The following DGKI variants were observed in gnomAD, a reference collection of about 807,000 sequenced individuals.
The protein encoded by DGKI is DAG kinase iota.
Under a neutral mutation model 147.5 loss-of-function variants are expected in DGKI, and 55 were observed. That is an observed-to-expected ratio of 0.37 (90% confidence interval 0.30 to 0.47). The LOEUF (loss-of-function observed/expected upper bound fraction) is 0.47. Among genes scored for constraint, DGKI ranks in the 20% least tolerant of loss-of-function variants. DGKI has a pLI of 1.00. For synonymous variants in DGKI, 469 were observed against 477.1 expected (o/e 0.98, Z 0.22); for missense variants, 1,007 against 1,323.8 (o/e 0.76, Z 3.71).
intron 21 of DGKI, among the ~76,000 whole-genome samples, chr7:137,500,017 T>C (rs1022059478): frequency 1.3e-5 from 2 of 152,154 alleles, no homozygotes; most frequent in African/African-American, 4.8e-5. Flanking sequence ...TAGAAATAAA[T>C]GTCTGTTATT....
chr7:137,719,497 G>A (rs1414944460), intron 1 of DGKI, among the ~76,000 whole-genome samples: 1 of 151,896 alleles, frequency 6.6e-6, no homozygotes, highest in African/African-American at 2.4e-5. Flanking sequence ...CCCCCAAGCA[G>A]AATGATATTG....
intron 6 of DGKI, among the ~76,000 whole-genome samples, chr7:137,641,161 C>T (rs963251693): frequency 2.0e-4 from 30 of 152,264 alleles, no homozygotes; most frequent in Middle Eastern, 3.4e-3. Flanking sequence ...CTTTGCCTGT[C>T]ACCATCCACA....
chr7:137,532,297 T>A (rs1193125113), intron 20 of DGKI, among the ~76,000 whole-genome samples: 4 of 152,182 alleles, frequency 2.6e-5, no homozygotes, highest in Non-Finnish European at 4.4e-5. Flanking sequence ...ATGTTTTGTT[T>A]TTATAATGGA....
At chr7:137,695,751 T>C (rs1823759659) in intron 1 of DGKI, among the ~76,000 whole-genome samples, 1 of 152,232 alleles carries the variant, frequency 6.6e-6, no homozygotes, top group Non-Finnish European at 1.5e-5. Context: ...TCTATACTAC[T>C]TCTCTAATTG....
At chr7:137,477,241 C>T (rs1327139405) in intron 23 of DGKI, among the ~76,000 whole-genome samples, 1 of 152,086 alleles carries the variant, frequency 6.6e-6, no homozygotes, top group Admixed American at 6.6e-5. Context: ...GCAACCCCAA[C>T]CCAGACACAG....
chr7:137,465,346 C>A (rs1814612631), intron 26 of DGKI, among the ~76,000 whole-genome samples: 1 of 152,100 alleles, frequency 6.6e-6, no homozygotes, highest in Admixed American at 6.5e-5. Context: ...TGTATCAATT[C>A]TTTTAATCGC....
intron 3 of DGKI, among the ~76,000 whole-genome samples, chr7:137,678,109 C>A (rs1196105254): frequency 6.6e-6 from 1 of 152,160 alleles, no homozygotes; most frequent in Non-Finnish European, 1.5e-5. Flanking sequence ...AGCCTACACC[C>A]ATTCCCAGCA....
intron 1 of DGKI, among the ~76,000 whole-genome samples, chr7:137,816,094 G>A (rs770222200): frequency 8.5e-5 from 13 of 152,090 alleles, no homozygotes; most frequent in South Asian, 4.1e-4. Context: ...CCTTGAGTGC[G>A]ATATGACCAA....
At chr7:137,781,640 G>C (rs889853451) in intron 1 of DGKI, among the ~76,000 whole-genome samples, 1 of 152,238 alleles carries the variant, frequency 6.6e-6, no homozygotes, top group Non-Finnish European at 1.5e-5. Flanking sequence ...AGGGAAGAAA[G>C]CTCAATTCTA....
At chr7:137,585,111 G>C in intron 14 of DGKI, 98 bp downstream of exon 14, 1 of 1,358,240 alleles carries the variant, frequency 7.4e-7, no homozygotes, top group South Asian at 1.3e-5. Flanking sequence ...TATCTCATAG[G>C]AATTCATCAG....
chr7:137,588,954 G>A (rs1017365516), intron 12 of DGKI, among the ~76,000 whole-genome samples: 2 of 152,148 alleles, frequency 1.3e-5, no homozygotes, highest in African/African-American at 2.4e-5. Flanking sequence ...CAGTTTACAC[G>A]ATATAGATGG....
chr7:137,436,860 G>A (rs1813304495), intron 28 of DGKI, among the ~76,000 whole-genome samples: 1 of 152,036 alleles, frequency 6.6e-6, no homozygotes, highest in African/African-American at 2.4e-5. Context: ...AAATCAATTA[G>A]TAAAATGCAC....
chr7:137,502,915 T>C (rs1417076914), intron 21 of DGKI, among the ~76,000 whole-genome samples: 3 of 152,056 alleles, frequency 2.0e-5, no homozygotes, highest in African/African-American at 4.8e-5. Flanking sequence ...CAGCTGAGGA[T>C]GGACTCACGA....
chr7:137,675,510 C>A (rs186786090), intron 3 of DGKI, among the ~76,000 whole-genome samples: 3 of 151,870 alleles, frequency 2.0e-5, no homozygotes, highest in African/African-American at 7.3e-5. Flanking sequence ...CCTGGTGAAA[C>A]CCCGTCTCTA....
intron 1 of DGKI, among the ~76,000 whole-genome samples, chr7:137,710,360 T>C (rs1232995112): frequency 6.6e-6 from 1 of 152,090 alleles, no homozygotes; most frequent in East Asian, 1.9e-4. Context: ...GGGAAGGCAT[T>C]AGCAGATATC....
At chr7:137,616,954 CA>C (rs2128995855) in intron 8 of DGKI, among the ~76,000 whole-genome samples, 1 of 151,462 alleles carries the variant, frequency 6.6e-6, no homozygotes. Context: ...TAGACTTTGG[CA>C]AAACTCTTTG....
At position 137,469,530 on chromosome 7, in the gene DGKI, G is replaced by A. The variant is rs766879456; in HGVS notation, c.2443+20C>T. ...AACTTCCCCAACTCCCACGATACCC[G>A]CAAGAAAGGCAGAACTCACCATCTA... is the stretch of plus-strand genomic sequence containing the variant. On this transcript the variant is annotated intron_variant, in intron 24 of 32. Transcript: ENST00000614521. 9.5e-5 allele frequency: 154 copies of A among 1,612,692 alleles called. 1 individual carries two copies. Among genetic ancestry groups the A allele is most frequent in the South Asian group, 8.1e-4 (74 of 90,926 alleles).
At chr7:137,837,753 G>A (rs1405778907) in intron 1 of DGKI, among the ~76,000 whole-genome samples, 1 of 152,128 alleles carries the variant, frequency 6.6e-6, no homozygotes, top group African/African-American at 2.4e-5. Context: ...CCAGAATGAT[G>A]AGAAAGAAAT....
chr7:137,543,129 A>C (rs1817756815), intron 20 of DGKI, among the ~76,000 whole-genome samples: 1 of 152,204 alleles, frequency 6.6e-6, no homozygotes, highest in African/African-American at 2.4e-5. Context: ...CTTTTTTGGC[A>C]TTAGCTGAAT....
Sources: allele counts gnomAD v4.1 joint callset (sites outside exome capture counted in the v4.1 genomes callset), GRCh38; gene constraint gnomAD v4.1.1; transcripts MANE v1.5; gene names NCBI Gene and HGNC (gene_info 2026-07-23, HGNC 2026-07-21).